CAST: variants seen among roughly 807,000 people sequenced by gnomAD.
CAST encodes MIR583 host.
CAST carries 76 observed loss-of-function variants against 119.6 expected under a neutral mutation model. The observed-to-expected ratio is 0.64, with a 90% CI of 0.53 to 0.77. CAST has a LOEUF of 0.77. CAST is among the 30% of genes least tolerant of loss of function. CAST has a pLI of 0.00. For missense variants in CAST, 953 were observed against 946.5 expected, an observed-to-expected ratio of 1.01 and a Z score of -0.09; for synonymous variants, 319 against 331.6, an observed-to-expected ratio of 0.96 and a Z score of 0.41.
the CAST span, among the ~76,000 whole-genome samples, chr5:96,404,594 T>A: frequency 6.6e-6 from 1 of 152,204 alleles, no homozygotes; most frequent in Admixed American, 6.5e-5. Context: ...AAGAAACTCA[T>A]AAATGCATGT....
At chr5:96,427,877 C>T in the CAST span, among the ~76,000 whole-genome samples, 2 of 152,134 alleles carry the variant, frequency 1.3e-5, no homozygotes, top group African/African-American at 4.8e-5. Context: ...AGCCCACACA[C>T]GATGAGCCCT....
chr5:96,411,119 G>C, the CAST span: 2 of 758,408 alleles, frequency 2.6e-6, no homozygotes, highest in East Asian at 5.2e-5. Flanking sequence ...TTCAATTCCA[G>C]ATCTTTTGGC....
intron 1 of CAST, among the ~76,000 whole-genome samples, chr5:96,579,483 G>A (rs1345425039): frequency 6.6e-6 from 1 of 152,100 alleles, no homozygotes; most frequent in Non-Finnish European, 1.5e-5. Context: ...GGTTTCAGAG[G>A]GATATTTTCA....
chr5:96,287,449 A>C, the CAST span, among the ~76,000 whole-genome samples: 1 of 152,170 alleles, frequency 6.6e-6, no homozygotes, highest in African/African-American at 2.4e-5. Context: ...TTCACATTCA[A>C]GTAACCCTTC....
the CAST span, among the ~76,000 whole-genome samples, chr5:96,479,469 GA>G: frequency 9.1e-5 from 5 of 54,714 alleles, no homozygotes; most frequent in South Asian, 8.1e-4. Context: ...TTTTTTTTTT[GA>G]GATGGAGTCT....
At chr5:96,026,158 C>T in the CAST span, among the ~76,000 whole-genome samples, 6 of 152,140 alleles carry the variant, frequency 3.9e-5, no homozygotes, top group South Asian at 1.0e-3. Context: ...GTCAAGGCTA[C>T]AGTAAACCTT....
the CAST span, among the ~76,000 whole-genome samples, chr5:96,269,934 AC>A: frequency 0.021 from 3,232 of 152,294 alleles, 114 homozygotes; most frequent in African/African-American, 0.074. Context: ...CAAGGACACA[AC>A]AAAAAAGAAA....
At chr5:96,116,720 A>G in the CAST span, among the ~76,000 whole-genome samples, 382 of 152,264 alleles carry the variant, frequency 2.5e-3, 1 homozygote, top group Non-Finnish European at 3.7e-3. Flanking sequence ...CATCATTTGC[A>G]TATTGTTCAT....
intron 15 of CAST, chr5:96,741,971 T>TA (rs1762783264): frequency 5.8e-6 from 1 of 173,554 alleles, no homozygotes; most frequent in Admixed American, 5.6e-5. Flanking sequence ...CTCAACTATA[T>TA]TTCACTATGA....
chr5:96,515,370 C>T, the CAST span, among the ~76,000 whole-genome samples: 25 of 151,744 alleles, frequency 1.6e-4, 1 homozygote, highest in South Asian at 8.4e-4. Flanking sequence ...GAAAGGTGAG[C>T]GTGATAAATG....
the CAST span, among the ~76,000 whole-genome samples, chr5:96,442,577 G>A: frequency 1.3e-5 from 2 of 152,236 alleles, no homozygotes; most frequent in Non-Finnish European, 2.9e-5. Context: ...CCAACGTATT[G>A]TAGGACAATC....
the CAST span, among the ~76,000 whole-genome samples, chr5:96,271,554 A>T: frequency 6.6e-6 from 1 of 152,170 alleles, no homozygotes; most frequent in East Asian, 1.9e-4. Context: ...CCATATGCAG[A>T]AGAATAAAAC....
chr5:96,453,484 C>G, the CAST span, among the ~76,000 whole-genome samples: 2 of 152,086 alleles, frequency 1.3e-5, no homozygotes, highest in African/African-American at 2.4e-5. Context: ...CAAGAGTGGA[C>G]TAATATAAAA....
the CAST span, among the ~76,000 whole-genome samples, chr5:96,263,649 A>G: frequency 1.3e-5 from 2 of 152,160 alleles, no homozygotes; most frequent in Admixed American, 6.5e-5. Flanking sequence ...AAGTAAAAAT[A>G]ATCCTCATTT....
At chr5:96,543,461 T>C (rs765322952) in intron 1 of CAST, among the ~76,000 whole-genome samples, 1 of 152,180 alleles carries the variant, frequency 6.6e-6, no homozygotes, top group Non-Finnish European at 1.5e-5. Context: ...GATGGGTTGA[T>C]GGATGCAGCA....
the CAST span, among the ~76,000 whole-genome samples, chr5:96,018,137 G>A: frequency 1.3e-5 from 2 of 152,154 alleles, no homozygotes; most frequent in African/African-American, 4.8e-5. Flanking sequence ...GTACATTGAC[G>A]TCATGCAGAA....
the CAST span, among the ~76,000 whole-genome samples, chr5:96,476,538 A>C: frequency 0.71 from 108,357 of 151,980 alleles, 39,200 homozygotes; most frequent in African/African-American, 0.83. Context: ...TCACTCTTTG[A>C]CTCGGCCTTT....
chr5:96,218,623 C>A, the CAST span, among the ~76,000 whole-genome samples: 4 of 152,186 alleles, frequency 2.6e-5, no homozygotes, highest in African/African-American at 9.7e-5. Flanking sequence ...CTCTTCTGAA[C>A]TCAGCACTCT....
the CAST span, among the ~76,000 whole-genome samples, chr5:96,395,815 T>C: frequency 1.4e-5 from 2 of 142,040 alleles, no homozygotes; most frequent in Admixed American, 7.2e-5. Flanking sequence ...AAGAGGTCTA[T>C]AAAGTTCAAT....
Sources: allele counts gnomAD v4.1 joint callset (sites outside exome capture counted in the v4.1 genomes callset), GRCh38; gene constraint gnomAD v4.1.1; transcripts MANE v1.5; gene names NCBI Gene and HGNC (gene_info 2026-07-23, HGNC 2026-07-21).